The following SNX25 variants were observed in gnomAD, a reference collection of about 807,000 sequenced individuals.
SNX25 encodes the protein sorting nexin 25.
In SNX25, 62 loss-of-function variants were observed where a neutral mutation model predicts 113.7. The observed-to-expected ratio is 0.55, with a 90% CI of 0.44 to 0.67. SNX25 has a LOEUF of 0.67. Among genes scored for constraint, SNX25 ranks in the 30% least tolerant of loss-of-function variants. The pLI, the probability that SNX25 is intolerant of heterozygous loss-of-function variation, is 0.00. For missense variants in SNX25, 1,014 were observed against 1,161.0 expected (o/e 0.87, Z 1.84); for synonymous variants, 421 against 436.2 (o/e 0.97, Z 0.43).
chr4:185,357,839 T>A, intron 16 of SNX25, 102 bp downstream of exon 16: 1 of 982,596 alleles, frequency 1.0e-6, no homozygotes, highest in Admixed American at 1.9e-5. Flanking sequence ...CTGAAAGTCT[T>A]TAATTTTCTC....
At chr4:185,362,938 G>A (rs1352846551) in intron 18 of SNX25, among the ~76,000 whole-genome samples, 1 of 151,398 alleles carries the variant, frequency 6.6e-6, no homozygotes, top group Admixed American at 6.6e-5. Flanking sequence ...TGCCTGCTGG[G>A]TTCAAGTGAT....
chr4:185,242,821 A>G (rs1445104338), intron 1 of SNX25, among the ~76,000 whole-genome samples: 1 of 152,228 alleles, frequency 6.6e-6, no homozygotes, highest in Non-Finnish European at 1.5e-5. Flanking sequence ...GACACACCCA[A>G]CATTATAACA....
chr4:185,305,663 A>C (rs951894836), intron 6 of SNX25, among the ~76,000 whole-genome samples: 15 of 152,202 alleles, frequency 9.9e-5, no homozygotes. Context: ...AGTCTGTTGT[A>C]ATGTCTTTGT....
chr4:185,262,029 C>T (rs1049694818), intron 3 of SNX25, among the ~76,000 whole-genome samples: 4 of 152,130 alleles, frequency 2.6e-5, no homozygotes, highest in African/African-American at 4.8e-5. Context: ...TCTGCCTGCC[C>T]CAGGTAAACA....
intron 2 of SNX25, among the ~76,000 whole-genome samples, chr4:185,254,814 C>T (rs1182723003): frequency 6.6e-6 from 1 of 151,994 alleles, no homozygotes; most frequent in Non-Finnish European, 1.5e-5. Context: ...GATAATAGCA[C>T]CTGAATTTGT....
rs1475108691 is a variant in SNX25, at chr4:185,232,063, A to G, written c.430-15231A>G. 6.6e-6 allele frequency among the ~76,000 whole-genome samples: 1 copy of G among 152,146 alleles called. No homozygotes were observed. Among genetic ancestry groups the G allele is most frequent in the Non-Finnish European group, 1.5e-5 (1 of 68,030 alleles). On this transcript the variant is annotated intron_variant, in intron 1 of 18. Transcript: ENST00000652585. The surrounding 1 kb of genome is among the most constrained non-coding windows in gnomAD (Gnocchi z 4.4). ...TTACCAATGTAATTTTTTTCTAAGT[A>G]TTTTATCACCAGTTTTTATTTAAAA...
At chr4:185,330,648 A>G (rs1040783829) in intron 9 of SNX25, among the ~76,000 whole-genome samples, 3 of 152,180 alleles carry the variant, frequency 2.0e-5, no homozygotes, top group African/African-American at 7.2e-5. Flanking sequence ...TTACATAGAA[A>G]GATTATGATT....
At chr4:185,306,659 A>G (rs535822700) in intron 6 of SNX25, among the ~76,000 whole-genome samples, 19 of 152,360 alleles carry the variant, frequency 1.2e-4, no homozygotes, top group Non-Finnish European at 2.1e-4. Context: ...TGTTTTATAA[A>G]TAAGAGGCAA....
chr4:185,339,357 C>A (rs1213038794), intron 10 of SNX25, 22 bp from the exon 11 acceptor site: 38 of 1,611,926 alleles, frequency 2.4e-5, no homozygotes, highest in Non-Finnish European at 3.1e-5. Context: ...TCATAACTCC[C>A]AGGATATTTT....
intron 1 of SNX25, among the ~76,000 whole-genome samples, chr4:185,223,291 C>T (rs1740291956): frequency 6.6e-6 from 1 of 152,170 alleles, no homozygotes; most frequent in African/African-American, 2.4e-5. Context: ...AGTTTCCCTT[C>T]TATCCTTTTA....
chr4:185,264,077 G>T (rs1043890384), intron 3 of SNX25, among the ~76,000 whole-genome samples: 1 of 152,022 alleles, frequency 6.6e-6, no homozygotes, highest in Non-Finnish European at 1.5e-5. Flanking sequence ...GCTTTGTTAG[G>T]TTTTTTTGAA....
intron 2 of SNX25, among the ~76,000 whole-genome samples, chr4:185,250,796 C>T (rs1300538191): frequency 6.6e-6 from 1 of 151,086 alleles, no homozygotes; most frequent in African/African-American, 2.4e-5. Flanking sequence ...AGCTGAGGAA[C>T]ATCTGTAGTT....
chr4:185,351,491 CCTT>C lies in SNX25; in HGVS notation c.2352_2354del (p.Phe784del). The C allele has an allele frequency of 5.6e-6, 9 of 1,614,158 alleles. No homozygotes were observed. Among genetic ancestry groups the C allele is most frequent in the Non-Finnish European group, 7.6e-6 (9 of 1,180,028 alleles). On this transcript the variant is annotated inframe_deletion, in exon 14 of 19. Coordinates refer to ENST00000652585, the MANE Select transcript of SNX25 (RefSeq NM_001378034.2). ...CTGTGTCAGAGTGAAGCACTTTATG[CCTT>C]CTTGAGCCCTTCTCCTGACTACCTC...
intron 5 of SNX25, among the ~76,000 whole-genome samples, chr4:185,277,984 G>A (rs1413472165): frequency 2.2e-5 from 1 of 45,154 alleles, no homozygotes; most frequent in African/African-American, 7.8e-5. Context: ...CGCCCGCCTC[G>A]GCCTCCCAAA....
At chr4:185,225,167 G>A (rs1483159334) in intron 1 of SNX25, among the ~76,000 whole-genome samples, 1 of 143,728 alleles carries the variant, frequency 7.0e-6, no homozygotes, top group Non-Finnish European at 1.5e-5. Flanking sequence ...TGCCCAGGCT[G>A]GAGTGCAGTG....
intron 5 of SNX25, among the ~76,000 whole-genome samples, chr4:185,282,181 A>G (rs1750690905): frequency 6.6e-6 from 1 of 152,050 alleles, no homozygotes; most frequent in South Asian, 2.1e-4. Flanking sequence ...CTGCCATGAA[A>G]TTACAGCATG....
In SNX25 at chr4:185,237,891, C is replaced by T. The variant is rs541226906; in HGVS notation, c.430-9403C>T. Among the ~76,000 whole-genome samples the T allele has an allele frequency of 9.9e-5, 15 of 151,502 alleles. No homozygotes were observed. The South Asian group carries it at 1.9e-3, about 19-fold the overall frequency. On this transcript the variant is annotated intron_variant, in intron 1 of 18. Coordinates refer to ENST00000652585, the MANE Select transcript of SNX25 (RefSeq NM_001378034.2). ...CAGCCTGGCCAACATGGAGAAACCCCGTCTCTACTATAAATACAAAAATTA... is the reference window on the plus strand; with the variant it reads ...CAGCCTGGCCAACATGGAGAAACCCTGTCTCTACTATAAATACAAAAATTA...
intron 10 of SNX25, among the ~76,000 whole-genome samples, chr4:185,336,749 A>T (rs1006783386): frequency 6.6e-6 from 1 of 152,150 alleles, no homozygotes; most frequent in Non-Finnish European, 1.5e-5. Context: ...TTTTTTCCAT[A>T]GTGGTTGTAC....
At chr4:185,303,824 G>A (rs1194341081) in intron 6 of SNX25, among the ~76,000 whole-genome samples, 1 of 152,166 alleles carries the variant, frequency 6.6e-6, no homozygotes, top group African/African-American at 2.4e-5. Flanking sequence ...ACTCTCCACT[G>A]AAGTGGAGTG....
Sources: allele counts gnomAD v4.1 joint callset (sites outside exome capture counted in the v4.1 genomes callset), GRCh38; gene constraint gnomAD v4.1.1; non-coding constraint Gnocchi (gnomAD v3.1); transcripts MANE v1.5; gene names NCBI Gene and HGNC (gene_info 2026-07-23, HGNC 2026-07-21).